The following COLEC10 variants were observed in gnomAD, a reference collection of about 807,000 sequenced individuals.
The protein encoded by COLEC10 is collectin-10.
COLEC10 carries 22 observed loss-of-function variants against 28.4 expected under a neutral mutation model. That is an observed-to-expected ratio of 0.78 (90% CI 0.55 to 1.11). The LOEUF (loss-of-function observed/expected upper bound fraction) is 1.11. Among genes scored for constraint, COLEC10 ranks in the 50% least tolerant of loss-of-function variants. The probability of loss-of-function intolerance (pLI) is 0.00; values close to 1 mark genes in which losing one functional copy is unlikely to be tolerated. For missense variants in COLEC10, 361 were observed against 344.1 expected, an observed-to-expected ratio of 1.05 and a Z score of -0.39; for synonymous variants, 125 against 116.1, an observed-to-expected ratio of 1.08 and a Z score of -0.49.
upstream of COLEC10, among the ~76,000 whole-genome samples, chr8:118,993,680 T>C (rs1447679813): frequency 6.6e-6 from 1 of 152,182 alleles, no homozygotes; most frequent in Non-Finnish European, 1.5e-5. Context: ...TGTGTGTCTG[T>C]GTCCTAATTG....
At chr8:119,105,212 T>A (rs1815912816) in intron 5 of COLEC10, among the ~76,000 whole-genome samples, 1 of 152,126 alleles carries the variant, frequency 6.6e-6, no homozygotes, top group East Asian at 1.9e-4. Context: ...CTTAAGACAT[T>A]CACAGGTAAG....
At chr8:119,091,929 C>T (rs1324933945) in intron 3 of COLEC10, among the ~76,000 whole-genome samples, 2 of 152,080 alleles carry the variant, frequency 1.3e-5, no homozygotes, top group Non-Finnish European at 2.9e-5. Flanking sequence ...TAATAAAATA[C>T]AAAATAGGCA....
chr8:119,073,191 C>A (rs941300761), intron 1 of COLEC10, among the ~76,000 whole-genome samples: 3 of 152,224 alleles, frequency 2.0e-5, no homozygotes, highest in Non-Finnish European at 4.4e-5. Flanking sequence ...TGCTAATAGG[C>A]AGCAGGACTA....
the COLEC10 span, among the ~76,000 whole-genome samples, chr8:118,978,802 GC>G: frequency 2.6e-5 from 4 of 152,022 alleles, no homozygotes; most frequent in East Asian, 5.8e-4. Context: ...GTATACAAAA[GC>G]CCATTTTGCC....
chr8:118,967,094 G>A, the COLEC10 span, among the ~76,000 whole-genome samples: 2 of 152,030 alleles, frequency 1.3e-5, no homozygotes, highest in African/African-American at 4.8e-5. Flanking sequence ...ACAGGGAAAT[G>A]GTTTTACCCC....
intron 1 of COLEC10, among the ~76,000 whole-genome samples, chr8:119,080,286 A>G (rs1815343699): frequency 1.3e-5 from 2 of 152,310 alleles, no homozygotes; most frequent in African/African-American, 4.8e-5. Context: ...GGTAGCTAGT[A>G]GAAATGCAGT....
At chr8:118,985,971 C>A in the COLEC10 span, among the ~76,000 whole-genome samples, 4 of 152,078 alleles carry the variant, frequency 2.6e-5, no homozygotes, top group Non-Finnish European at 5.9e-5. Context: ...GAGGCAACTA[C>A]TCCACTACCA....
intron 1 of COLEC10, among the ~76,000 whole-genome samples, chr8:119,088,452 C>A (rs1226548388): frequency 1.3e-5 from 2 of 152,126 alleles, no homozygotes; most frequent in African/African-American, 4.8e-5. Context: ...CTTAAAATTT[C>A]AACATTCTGC....
rs368008090 is a variant in COLEC10, at chr8:119,051,646, C to T, written n.236-38034C>T. 9.2e-5 allele frequency among the ~76,000 whole-genome samples: 14 copies of T among 152,198 alleles called. No individual in the cohort carries two copies. In the East Asian group the frequency reaches 2.3e-3, roughly 25 times the overall value. Reference sequence around the variant, plus strand: ...GATAAAAGATTGTGAAACTTAACCACGGCATGAGGAAAGAAAATAAAAACA... The same window carrying T: ...GATAAAAGATTGTGAAACTTAACCATGGCATGAGGAAAGAAAATAAAAACA... On this transcript the variant is annotated intron_variant and non_coding_transcript_variant, in intron 2 of 6. Coordinates refer to the COLEC10 transcript ENST00000521788.
intron 1 of COLEC10, among the ~76,000 whole-genome samples, chr8:119,075,541 G>T (rs1815209735): frequency 1.3e-5 from 2 of 152,158 alleles, no homozygotes; most frequent in African/African-American, 2.4e-5. Flanking sequence ...GGAAGCATGA[G>T]TTTAGGTCTC....
chr8:119,091,381 C>G (rs1177685515), intron 3 of COLEC10, among the ~76,000 whole-genome samples, 161 bp downstream of exon 3: 4 of 84,508 alleles, frequency 4.7e-5, no homozygotes, highest in Non-Finnish European at 9.1e-5. Flanking sequence ...GACCCAATCT[C>G]TACCAAAAAA....
intron 2 of COLEC10, among the ~76,000 whole-genome samples, chr8:119,013,313 T>C (rs1015410197): frequency 3.3e-5 from 5 of 150,724 alleles, no homozygotes; most frequent in African/African-American, 9.9e-5. Flanking sequence ...CATTCCACTG[T>C]GGTCTGAAAG....
At position 119,049,402 on chromosome 8, in the gene COLEC10, T is replaced by TA. The variant is rs1491525263; in HGVS notation, n.235+39849_235+39850insA. Among the ~76,000 whole-genome samples, 300 of 44,368 alleles carry TA rather than the reference T, an allele frequency of 6.8e-3. 2 individuals carry two copies. The highest frequency in any genetic ancestry group is 0.029 in the African/African-American group (284 of 9,774). The allele number at this position is 44,368 out of a possible 152,430, so 29.1% of individuals were successfully genotyped here. ...GATGAAGCATAGGTATTTTCTTTTC[T>TA]TTTTTTTTTTTTTTTTTTTTTTTTT... On this transcript the variant is annotated intron_variant and non_coding_transcript_variant, in intron 2 of 6. Coordinates refer to the COLEC10 transcript ENST00000521788.
chr8:119,056,564 G>A (rs951926640), intron 2 of COLEC10, among the ~76,000 whole-genome samples: 4 of 152,010 alleles, frequency 2.6e-5, no homozygotes, highest in Non-Finnish European at 5.9e-5. Context: ...AGAAGTCATG[G>A]TTGCTGGCAG....
At chr8:118,971,675 T>C in the COLEC10 span, among the ~76,000 whole-genome samples, 1 of 152,000 alleles carries the variant, frequency 6.6e-6, no homozygotes, top group Admixed American at 6.6e-5. Context: ...GTTTTCTTTA[T>C]ACATAAAAAA....
At chr8:119,070,775 G>A (rs1195788176) in intron 1 of COLEC10, among the ~76,000 whole-genome samples, 1 of 151,944 alleles carries the variant, frequency 6.6e-6, no homozygotes, top group Admixed American at 6.6e-5. Context: ...CAAAGCAAAA[G>A]AGAGACAAGT....
intron 1 of COLEC10, among the ~76,000 whole-genome samples, chr8:119,071,989 C>A (rs1815133922): frequency 6.6e-6 from 1 of 152,196 alleles, no homozygotes; most frequent in African/African-American, 2.4e-5. Flanking sequence ...ACCTAAGAAC[C>A]TCCCTGCCAG....
At chr8:119,009,290 G>A (rs1490060741) in intron 1 of COLEC10, among the ~76,000 whole-genome samples, 1 of 150,970 alleles carries the variant, frequency 6.6e-6, no homozygotes, top group Non-Finnish European at 1.5e-5. Flanking sequence ...CAATGTGGCA[G>A]CTTTGGAAGT....
chr8:119,023,896 T>C (rs1814139877), intron 2 of COLEC10, among the ~76,000 whole-genome samples: 1 of 151,226 alleles, frequency 6.6e-6, no homozygotes, highest in South Asian at 2.1e-4. Context: ...GAAGGGTGCA[T>C]GGTAGTCCTG....
Sources: allele counts gnomAD v4.1 joint callset (sites outside exome capture counted in the v4.1 genomes callset), GRCh38; gene constraint gnomAD v4.1.1; transcripts MANE v1.5; gene names NCBI Gene and HGNC (gene_info 2026-07-23, HGNC 2026-07-21).